GRIK5: variants seen among roughly 807,000 people sequenced by gnomAD.
GRIK5 encodes the protein glutamate receptor ionotropic, kainate 5.
In GRIK5, 43 loss-of-function variants were observed where a neutral mutation model predicts 97.4. The ratio of observed to expected loss-of-function variants is 0.44; its 90% confidence interval spans 0.35 to 0.57. The LOEUF is 0.57. Among genes scored for constraint, GRIK5 ranks in the 20% least tolerant of loss-of-function variants. The pLI is 0.01. For missense variants in GRIK5, 1,015 were observed against 1,382.0 expected, an observed-to-expected ratio of 0.73 and a Z score of 4.21; for synonymous variants, 580 against 583.5, an observed-to-expected ratio of 0.99 and a Z score of 0.09.
intron 6 of GRIK5, among the ~76,000 whole-genome samples, 190 bp downstream of exon 6, chr19:42,059,159 G>A (rs2076226191): frequency 6.6e-6 from 1 of 152,188 alleles, no homozygotes; most frequent in Admixed American, 6.6e-5. Context: ...GAGATGCGGT[G>A]ACTGCTCAGG....
intron 1 of GRIK5, 172 bp downstream of exon 1, chr19:42,069,069 C>T (rs2076385084): frequency 6.6e-6 from 3 of 453,000 alleles, no homozygotes. Flanking sequence ...GAGAAGAGGT[C>T]GAGGTGAATG....
At position 42,056,777 on chromosome 19, in the gene GRIK5, TTGGAGGAGTCCTCCACAA is replaced by T. The variant is rs1271295380; in HGVS notation, c.770_787del (p.Ile257_Ser262del). 1 of 1,613,958 alleles carries T rather than the reference TTGGAGGAGTCCTCCACAA, an allele frequency of 6.2e-7. No homozygotes were observed. The highest frequency in any genetic ancestry group is 1.7e-5 in the Admixed American group (1 of 59,998). ...GTTGAACATGGAGAAGCCCAGGATG[TTGGAGGAGTCCTCCACAA>T]TACCGTCCAGATGCAGGATGGGGAA... On this transcript the variant is annotated inframe_deletion, in exon 8 of 20. Coordinates refer to ENST00000593562, the MANE Select transcript of GRIK5 (RefSeq NM_002088.5).
intron 15 of GRIK5, among the ~76,000 whole-genome samples, chr19:42,012,848 C>G (rs1253843475): frequency 1.4e-5 from 2 of 144,904 alleles, no homozygotes; most frequent in Non-Finnish European, 3.0e-5. Context: ...GCCTGGGCAA[C>G]AGAGTGAGAT....
rs150595206 is a variant in GRIK5, at chr19:42,003,351, C to A, written c.2495G>T (p.Arg832Met). The change falls in exon 19 of 20, where the codon AGG (arginine) becomes ATG (methionine). Residue 832 changes from arginine to methionine, a missense_variant. Arg to Met is a moderately conservative substitution (Grantham distance 91). Coordinates refer to ENST00000593562, the MANE Select transcript of GRIK5 (RefSeq NM_002088.5). The surrounding 1 kb of genome is among the most constrained non-coding windows in gnomAD (Gnocchi z 4.2). The part of the protein sequence containing the change: ...AVMEFIWSTR[R>M]SAESEEVSVC... ...CCTCACCTCCTCGGACTCAGCTGACCTCCGTGTGGACCATATGAATTCCAT... is the reference window on the plus strand; with the variant it reads ...CCTCACCTCCTCGGACTCAGCTGACATCCGTGTGGACCATATGAATTCCAT... 4,008 of 1,613,036 alleles carry A rather than the reference C, an allele frequency of 2.5e-3. 187 individuals are homozygous for A. The Admixed American group carries it at 0.063, about 25-fold the overall frequency.
rs149090635 is a variant in GRIK5, at chr19:42,042,659, C to G, written c.1366G>C (p.Glu456Gln). The change falls in exon 12 of 20, where the codon GAG (glutamate) becomes CAG (glutamine). Residue 456 changes from glutamate to glutamine, a missense_variant. Physicochemically the swap from Glu to Gln is conservative, Grantham distance 29 (BLOSUM62 2). This residue lies in a region of GRIK5 where 477 missense variants were observed against 701.1 expected (regional missense o/e 0.68). Coordinates refer to ENST00000593562, the MANE Select transcript of GRIK5 (RefSeq NM_002088.5). This position sits in a 1 kb window ranked among gnomAD's most constrained non-coding sequence, Gnocchi z 6.9. Reference sequence around the variant, plus strand: ...AGGCGGTAGCGGAAGCGCAGCAGCTCGGCCAGCTCCCGCAGCATGTCCACG... The same window carrying G: ...AGGCGGTAGCGGAAGCGCAGCAGCTGGGCCAGCTCCCGCAGCATGTCCACG... ...FCVDMLRELA[E>Q]LLRFRYRLRL... 2.5e-6 allele frequency: 4 copies of G among 1,613,438 alleles called. No homozygotes were observed. Among genetic ancestry groups the G allele is most frequent in the Non-Finnish European group, 3.4e-6 (4 of 1,179,952 alleles).
At chr19:42,057,877 C>A (rs2094784364) in intron 6 of GRIK5, among the ~76,000 whole-genome samples, 1 of 152,206 alleles carries the variant, frequency 6.6e-6, no homozygotes, top group Admixed American at 6.5e-5. Flanking sequence ...TGGAAAAATT[C>A]TTCCTGCCAG....
intron 5 of GRIK5, 88 bp from the exon 6 acceptor site, chr19:42,059,615 TG>T (rs2076233552): frequency 8.6e-7 from 1 of 1,166,260 alleles, no homozygotes; most frequent in African/African-American, 1.5e-5. Context: ...ATGGGGCAGC[TG>T]GGCAGAGGAC....
rs1255816677 is a variant in GRIK5 at position 42,021,096 on chromosome 19, G to A, written c.1871+205C>T. Reference sequence around the variant, plus strand: ...TTTCAGGGAGGTCACTGAGGCAAAGGGAGGGTTGCGGTCTGGCCAAGCTCA... The same window carrying A: ...TTTCAGGGAGGTCACTGAGGCAAAGAGAGGGTTGCGGTCTGGCCAAGCTCA... On this transcript the variant is annotated intron_variant, in intron 15 of 19. Coordinates refer to ENST00000593562, the MANE Select transcript of GRIK5 (RefSeq NM_002088.5). The surrounding 1 kb of genome is among the most constrained non-coding windows in gnomAD (Gnocchi z 4.2). Among the ~76,000 whole-genome samples the A allele has an allele frequency of 6.6e-6, 1 of 152,182 alleles. No individual in the cohort carries two copies. Among genetic ancestry groups the A allele is most frequent in the Non-Finnish European group, 1.5e-5 (1 of 68,042 alleles).
intron 15 of GRIK5, among the ~76,000 whole-genome samples, chr19:42,012,497 C>T (rs537850709): frequency 1.3e-5 from 2 of 152,244 alleles, no homozygotes; most frequent in South Asian, 2.1e-4. Context: ...GCAATCCGCC[C>T]GCATCGGCCT....
chr19:42,043,858 T>C (rs2146111789), intron 11 of GRIK5, among the ~76,000 whole-genome samples: 1 of 152,268 alleles, frequency 6.6e-6, no homozygotes, highest in Admixed American at 6.5e-5. Flanking sequence ...TGCAGTGAGC[T>C]ATGACTGTAC....
In GRIK5 at chr19:41,999,150, G is replaced by T; in HGVS notation, c.2664C>A (p.Gly888=). Reference sequence around the variant, plus strand: ...CGCCCGCGCCGGCCGAGTAGAGCTTGCCGTTGCTGAGGCGCATCTCGCGGA... The same window carrying T: ...CGCCCGCGCCGGCCGAGTAGAGCTTTCCGTTGCTGAGGCGCATCTCGCGGA... ...RAVREMRLSN[G]KLYSAGAGGD... is the part of the protein sequence containing the mutation. The change falls in exon 20 of 20, where the codon GGC becomes GGA. Residue 888 remains glycine (G), a synonymous_variant. Transcript: ENST00000593562. The surrounding 1 kb of genome is among the most constrained non-coding windows in gnomAD (Gnocchi z 5.0). 6.7e-7 allele frequency: 1 copy of T among 1,496,510 alleles called. No homozygotes were observed. Among genetic ancestry groups the T allele is most frequent in the Non-Finnish European group, 8.8e-7 (1 of 1,131,614 alleles). The allele number at this position is 1,496,510 out of a possible 1,614,324, so 92.7% of individuals were successfully genotyped here.
chr19:42,054,609 G>T, intron 8 of GRIK5, 137 bp from the exon 9 acceptor site: 2 of 917,210 alleles, frequency 2.2e-6, no homozygotes, highest in South Asian at 1.7e-5. Context: ...GGTGGGTCAG[G>T]AGTGAGGAAG....
chr19:42,066,307 C>T (rs2076331334), intron 1 of GRIK5, among the ~76,000 whole-genome samples: 1 of 152,032 alleles, frequency 6.6e-6, no homozygotes, highest in African/African-American at 2.4e-5. Context: ...TTCCTAACAT[C>T]CCCAGTTCCC....
intron 15 of GRIK5, among the ~76,000 whole-genome samples, chr19:42,011,139 A>C (rs1011022085): frequency 1.3e-5 from 2 of 151,636 alleles, no homozygotes; most frequent in Non-Finnish European, 2.9e-5. Flanking sequence ...ACACACACAC[A>C]CACCCCTAAT....
chr19:42,057,167 G>C (rs948021058), intron 6 of GRIK5, among the ~76,000 whole-genome samples, 189 bp from the exon 7 acceptor site: 1 of 152,124 alleles, frequency 6.6e-6, no homozygotes, highest in Non-Finnish European at 1.5e-5. Flanking sequence ...GGGGGCATAG[G>C]GAGGCCTTAG....
rs2076164651 is a variant in GRIK5 at position 42,055,018 on chromosome 19, T to C, written c.904-546A>G. Among the ~76,000 whole-genome samples, 5 of 152,306 alleles carry C rather than the reference T, an allele frequency of 3.3e-5. No homozygotes were observed. In the South Asian group the frequency reaches 1.0e-3, roughly 32 times the overall value. On this transcript the variant is annotated intron_variant, in intron 8 of 19. Transcript: ENST00000593562. Reference sequence around the variant, plus strand: ...ATTCTTTGATAGGGCTAAGTCCTCATTCCTCCCTGAACCTCAGTTTCCTTC... The same window carrying C: ...ATTCTTTGATAGGGCTAAGTCCTCACTCCTCCCTGAACCTCAGTTTCCTTC...
At chr19:42,058,458 G>T (rs911081666) in intron 6 of GRIK5, among the ~76,000 whole-genome samples, 4 of 149,858 alleles carry the variant, frequency 2.7e-5, no homozygotes, top group Non-Finnish European at 4.4e-5. Flanking sequence ...TGGGATTACA[G>T]GCATGAGCCA....
Position 42,021,274 on chromosome 19 carries a change from G to C in GRIK5, c.1871+27C>G. The C allele has an allele frequency of 6.3e-7, 1 of 1,599,854 alleles. No homozygotes were observed. Among genetic ancestry groups the C allele is most frequent in the Non-Finnish European group, 8.5e-7 (1 of 1,173,096 alleles). On this transcript the variant is annotated intron_variant, in intron 15 of 19. Transcript: ENST00000593562. This position sits in a 1 kb window ranked among gnomAD's most constrained non-coding sequence, Gnocchi z 4.2. Reference sequence around the variant, plus strand: ...TCAGATGGGTCCCTCCCTCGCCCCGGGCAGAGGCAGATAGAAAGCTTCTCA... The same window carrying C: ...TCAGATGGGTCCCTCCCTCGCCCCGCGCAGAGGCAGATAGAAAGCTTCTCA...
Position 42,021,230 on chromosome 19 carries a change from C to T in GRIK5, c.1871+71G>A, listed in dbSNP as rs757051545. 21 of 1,281,212 alleles carry T rather than the reference C, an allele frequency of 1.6e-5. No individual in the cohort carries two copies. Among genetic ancestry groups the T allele is most frequent in the Non-Finnish European group, 2.3e-5 (21 of 917,052 alleles). 79.4% of individuals were successfully genotyped at this position (1,281,212 alleles called of 1,614,324 possible). A position where few individuals can be genotyped will look rare whatever the true frequency, so the allele number is the denominator to read the frequency against. ...TCAAATCTTCCAGGAGATGCCACAG[C>T]CCCAACCCCATCCAGGCCTCAGATG... On this transcript the variant is annotated intron_variant, in intron 15 of 19. Transcript: ENST00000593562. This position sits in a 1 kb window ranked among gnomAD's most constrained non-coding sequence, Gnocchi z 4.2.
Sources: allele counts gnomAD v4.1 joint callset (sites outside exome capture counted in the v4.1 genomes callset), GRCh38; gene constraint gnomAD v4.1.1; regional missense constraint gnomAD v4.1.1; non-coding constraint Gnocchi (gnomAD v3.1); transcripts MANE v1.5; gene names NCBI Gene and HGNC (gene_info 2026-07-23, HGNC 2026-07-21).